METTL21A: variants seen among roughly 807,000 people sequenced by gnomAD.
The protein encoded by METTL21A is protein N-lysine methyltransferase METTL21A.
A neutral mutation model predicts 20.9 loss-of-function variants in METTL21A; 22 were observed. The observed-to-expected ratio is 1.05, with a 90% CI of 0.75 to 1.50. The LOEUF is 1.50. METTL21A is among the 40% of genes most tolerant of loss of function. The probability of loss-of-function intolerance (pLI) is 0.00; values close to 1 mark genes in which losing one functional copy is unlikely to be tolerated. For synonymous variants in METTL21A, 93 were observed against 102.0 expected, an observed-to-expected ratio of 0.91 and a Z score of 0.53; for missense variants, 271 against 266.8, an observed-to-expected ratio of 1.02 and a Z score of -0.11.
intron 3 of METTL21A, among the ~76,000 whole-genome samples, chr2:207,595,872 C>T (rs999448041): frequency 6.6e-6 from 1 of 152,136 alleles, no homozygotes; most frequent in Admixed American, 6.5e-5. Context: ...CTTGCCTATT[C>T]TAGATCTTAA....
In METTL21A at chr2:207,584,260, T is replaced by C. The variant is rs189367254; in HGVS notation, c.260-2100A>G. Among the ~76,000 whole-genome samples, 327 of 152,360 alleles carry C rather than the reference T, an allele frequency of 2.1e-3. 2 individuals carry two copies. The highest frequency in any genetic ancestry group is 3.3e-3 in the Non-Finnish European group (225 of 68,030). ...TTGTTTTCCAAAATGGCTGTACCAT[T>C]TTATATTCCCACCAGGAATGTATGA... On this transcript the variant is annotated intron_variant, in intron 3 of 3. Transcript: ENST00000425132.
At chr2:207,595,011 T>TTTG (rs2085841212) in intron 3 of METTL21A, among the ~76,000 whole-genome samples, 1 of 150,348 alleles carries the variant, frequency 6.7e-6, no homozygotes, top group African/African-American at 2.5e-5. Context: ...TTTTTTTTTT[T>TTTG]TCTGAGATGG....
chr2:207,613,497 G>T, intron 3 of METTL21A, 54 bp from the exon 4 acceptor site: 2 of 1,479,738 alleles, frequency 1.4e-6, no homozygotes, highest in Non-Finnish European at 1.8e-6. Context: ...ATTCTGTTAG[G>T]TAGAGAGGGG....
Position 207,621,964 on chromosome 2 carries a change from G to C in METTL21A, c.148-47C>G, listed in dbSNP as rs201758199. ...TGACGATTAAGGTCAACATGTGCTT[G>C]AGTAGCTGCAGGGTTTCAGGTCAGC... is the stretch of plus-strand genomic sequence containing the variant. On this transcript the variant is annotated intron_variant, in intron 2 of 3. Coordinates refer to ENST00000406927, the Ensembl canonical transcript of METTL21A. 7.8e-5 allele frequency: 120 copies of C among 1,545,364 alleles called. No individual in the cohort carries two copies. The African/African-American group carries it at 1.4e-3, about 18-fold the overall frequency.
intron 3 of METTL21A, among the ~76,000 whole-genome samples, chr2:207,595,042 G>A (rs1484935368): frequency 2.0e-5 from 3 of 148,314 alleles, no homozygotes; most frequent in Non-Finnish European, 3.0e-5. Flanking sequence ...TGTTGCCTAG[G>A]TAGAGTGCCG....
At chr2:207,607,987 AC>A (rs2106828818), downstream of METTL21A, among the ~76,000 whole-genome samples, 1 of 152,000 alleles carries the variant, frequency 6.6e-6, no homozygotes, top group Admixed American at 6.5e-5. Context: ...TCTCACACAC[AC>A]CCCACACCTG....
intron 3 of METTL21A, chr2:207,596,798 A>G (rs781096866): frequency 8.5e-7 from 1 of 1,177,576 alleles, no homozygotes; most frequent in Admixed American, 2.6e-5. Context: ...TGCTTAATAT[A>G]TACTAAAATG....
At chr2:207,596,781 T>C in intron 3 of METTL21A, 1 of 1,059,972 alleles carries the variant, frequency 9.4e-7, no homozygotes, top group Non-Finnish European at 1.3e-6. Flanking sequence ...CTGTATATCT[T>C]TTCCAATGCT....
At chr2:207,624,317 G>A in exon 2 of METTL21A, 2 of 1,614,032 alleles carry the variant, frequency 1.2e-6, no homozygotes, top group South Asian at 1.1e-5. Context: ...AGTTGCAAGA[G>A]GCTTGTGGAA....
At chr2:207,601,264 T>A (rs1227154732) in intron 3 of METTL21A, 1 of 185,672 alleles carries the variant, frequency 5.4e-6, no homozygotes, top group Non-Finnish European at 1.1e-5. Context: ...TGCACTTTTT[T>A]AAATGACCCA....
At position 207,613,148 on chromosome 2, in the gene METTL21A, T is replaced by G. The variant is rs371501865; in HGVS notation, c.555A>C (p.Ala185=). ...TCACAGTAAATTGCCTCTCCAGCAT[T>G]GCTAAGAAGTTGTTATCCCGTTCAT... Residue 185 remains alanine (A), a synonymous_variant, in exon 4 of 4, where the codon GCA becomes GCC. Coordinates refer to ENST00000406927, the Ensembl canonical transcript of METTL21A. The G allele has an allele frequency of 2.2e-5, 35 of 1,613,948 alleles. 1 individual carries two copies. Among genetic ancestry groups the G allele is most frequent in the African/African-American group, 1.5e-4 (11 of 75,074 alleles).
At chr2:207,614,703 TC>T (rs1032691473) in intron 3 of METTL21A, among the ~76,000 whole-genome samples, 19 of 152,146 alleles carry the variant, frequency 1.2e-4, no homozygotes, top group African/African-American at 4.1e-4. Flanking sequence ...GACAAAAAGA[TC>T]CTTTTTTTTG....
At position 207,621,603 on chromosome 2, in the gene METTL21A, G is replaced by C. The variant is rs111332523; in HGVS notation, c.259+203C>G. Among the ~76,000 whole-genome samples, 3 of 152,316 alleles carry C rather than the reference G, an allele frequency of 2.0e-5. No individual in the cohort carries two copies. The East Asian group carries it at 5.8e-4, about 29-fold the overall frequency. On this transcript the variant is annotated intron_variant, in intron 3 of 3. Transcript: ENST00000406927. The stretch of plus-strand genomic sequence containing the variant: ...AGAGTGTGTGTGTGTGTGAGAGAGA[G>C]AGACAGAAATTAGAGAGAGAGAAAT...
rs2091003134 is a variant in METTL21A, at chr2:207,625,342, A to T, written c.-107T>A. ...GCTGGCTGCGAAAACCGCCGGCCTT[A>T]AAGAGCCCGCGACGCGGGGGCGGGC... is the stretch of plus-strand genomic sequence containing the variant. On this transcript the variant is annotated 5_prime_UTR_variant, in exon 1 of 4. It removes the in-frame stop codon of an upstream open reading frame in the 5' UTR. Coordinates refer to ENST00000406927, the Ensembl canonical transcript of METTL21A. 6.6e-6 allele frequency: 1 copy of T among 151,952 alleles called. No homozygotes were observed. The highest frequency in any genetic ancestry group is 2.1e-4 in the South Asian group (1 of 4,836). 9.4% of individuals were successfully genotyped at this position (151,952 alleles called of 1,614,324 possible). A position where few individuals can be genotyped will look rare whatever the true frequency, so the allele number is the denominator to read the frequency against.
At chr2:207,607,394 A>AAAAG (rs148420908), downstream of METTL21A, among the ~76,000 whole-genome samples, 2,249 of 151,502 alleles carry the variant, frequency 0.015, 23 homozygotes, top group African/African-American at 0.03. Context: ...CATCTCAAAA[A>AAAAG]AAAGAAAGAA....
At chr2:207,625,700 C>T (rs2091030674), upstream of METTL21A, 1 of 152,302 alleles carries the variant, frequency 6.6e-6, no homozygotes, top group East Asian at 1.9e-4. Flanking sequence ...TGCCTCTCGA[C>T]CTTTTCTATC....
intron 2 of METTL21A, among the ~76,000 whole-genome samples, chr2:207,623,999 C>T (rs544219757): frequency 2.1e-4 from 32 of 152,196 alleles, no homozygotes; most frequent in Non-Finnish European, 1.5e-5. Context: ...CTAAGGGATA[C>T]GGGTTTGAGA....
chr2:207,617,114 A>T (rs544409554), intron 3 of METTL21A, among the ~76,000 whole-genome samples: 1 of 152,358 alleles, frequency 6.6e-6, no homozygotes, highest in African/African-American at 2.4e-5. Flanking sequence ...GCTGTCCATT[A>T]GTAATGGGAA....
exon 4 of METTL21A, chr2:207,612,837 G>C: frequency 4.3e-6 from 2 of 468,818 alleles, no homozygotes; most frequent in Non-Finnish European, 7.4e-6. Context: ...AATGTTAATT[G>C]CATTTCAGAC....
Sources: allele counts gnomAD v4.1 joint callset (sites outside exome capture counted in the v4.1 genomes callset), GRCh38; gene constraint gnomAD v4.1.1; transcripts MANE v1.5; gene names NCBI Gene and HGNC (gene_info 2026-07-23, HGNC 2026-07-21).